CDYL: variants seen among roughly 807,000 people sequenced by gnomAD.
CDYL encodes the protein chromodomain Y like.
In CDYL, 8 loss-of-function variants were observed where a neutral mutation model predicts 47.3. The ratio of observed to expected loss-of-function variants is 0.17; its 90% confidence interval spans 0.10 to 0.31. The LOEUF (loss-of-function observed/expected upper bound fraction) is 0.31. CDYL is among the 10% of genes least tolerant of loss of function. The pLI, the probability that CDYL is intolerant of heterozygous loss-of-function variation, is 1.00. For synonymous variants in CDYL, 266 were observed against 265.0 expected, an observed-to-expected ratio of 1.00 and a Z score of -0.04; for missense variants, 471 against 701.4, an observed-to-expected ratio of 0.67 and a Z score of 3.71.
intron 2 of CDYL, among the ~76,000 whole-genome samples, chr6:4,914,404 G>A (rs996868680): frequency 6.6e-6 from 1 of 152,116 alleles, no homozygotes; most frequent in African/African-American, 2.4e-5. Flanking sequence ...GAACTGCTAC[G>A]CTGTCGTGCC....
intron 2 of CDYL, among the ~76,000 whole-genome samples, chr6:4,716,164 C>T (rs963886368): frequency 6.6e-6 from 1 of 151,214 alleles, no homozygotes; most frequent in African/African-American, 2.4e-5. Context: ...AGGAGAATGG[C>T]GTGAACCCGG....
intron 3 of CDYL, among the ~76,000 whole-genome samples, chr6:4,759,267 C>G (rs1758132703): frequency 6.6e-6 from 1 of 152,138 alleles, no homozygotes; most frequent in Non-Finnish European, 1.5e-5. Context: ...CCGCGCCCGG[C>G]CAATCACACA....
chr6:4,726,149 A>T (rs1757508859), intron 2 of CDYL, among the ~76,000 whole-genome samples: 1 of 152,154 alleles, frequency 6.6e-6, no homozygotes, highest in Admixed American at 6.5e-5. Context: ...ACGGTGGCTC[A>T]TGTCTGTAAT....
chr6:4,808,347 T>C (rs1759431081), intron 1 of CDYL, among the ~76,000 whole-genome samples: 1 of 152,228 alleles, frequency 6.6e-6, no homozygotes, highest in Non-Finnish European at 1.5e-5. Flanking sequence ...ATTTCCAGTT[T>C]AACACCATAG....
At chr6:4,753,179 G>A (rs1363414218) in intron 3 of CDYL, among the ~76,000 whole-genome samples, 1 of 152,092 alleles carries the variant, frequency 6.6e-6, no homozygotes, top group African/African-American at 2.4e-5. Flanking sequence ...CCAAAAGTGG[G>A]GGATGGAAAG....
chr6:4,864,509 A>G (rs995108311), intron 1 of CDYL, among the ~76,000 whole-genome samples: 3 of 152,132 alleles, frequency 2.0e-5, no homozygotes, highest in Middle Eastern at 3.2e-3. Flanking sequence ...AAGCATGCTG[A>G]TATGGTTTGG....
intron 1 of CDYL, among the ~76,000 whole-genome samples, chr6:4,797,628 A>G (rs887782401): frequency 1.3e-5 from 2 of 152,154 alleles, no homozygotes; most frequent in Non-Finnish European, 2.9e-5. Context: ...CCTGGCAACC[A>G]TGAATCCACT....
intron 3 of CDYL, among the ~76,000 whole-genome samples, chr6:4,750,498 G>T (rs780008741): frequency 6.6e-6 from 1 of 151,892 alleles, no homozygotes; most frequent in Non-Finnish European, 1.5e-5. Context: ...CACCATGCCC[G>T]GCCAAAAAAA....
chr6:4,725,381 G>T (rs2127412081), intron 2 of CDYL, among the ~76,000 whole-genome samples: 1 of 152,366 alleles, frequency 6.6e-6, no homozygotes, highest in African/African-American at 2.4e-5. Flanking sequence ...GGAGCAGGGG[G>T]CGGCGCTCGT....
Position 4,737,344 on chromosome 6 carries a change from G to C in CDYL, c.186+2500G>C, listed in dbSNP as rs551480646. 1.3e-3 allele frequency among the ~76,000 whole-genome samples: 129 copies of C among 95,952 alleles called. 1 individual carries two copies. Among genetic ancestry groups the C allele is most frequent in the African/African-American group, 5.1e-3 (123 of 23,954 alleles). 62.9% of individuals were successfully genotyped at this position (95,952 alleles called of 152,430 possible). On this transcript the variant is annotated intron_variant, in intron 3 of 8. Coordinates refer to the CDYL transcript ENST00000328908. ...CACAGACCAAAAATAACAAACTTAA[G>C]AAATATTTGCAACAAAAATTAAAAG...
At chr6:4,858,807 C>G (rs1433992631) in intron 1 of CDYL, among the ~76,000 whole-genome samples, 1 of 152,212 alleles carries the variant, frequency 6.6e-6, no homozygotes, top group Non-Finnish European at 1.5e-5. Flanking sequence ...GACTTAACCT[C>G]TGTGCCCCAG....
intron 1 of CDYL, among the ~76,000 whole-genome samples, chr6:4,828,570 T>C (rs1239256798): frequency 1.3e-5 from 2 of 152,216 alleles, no homozygotes; most frequent in Non-Finnish European, 2.9e-5. Flanking sequence ...TTGCTTCCAA[T>C]AGTTTGATTA....
intron 1 of CDYL, among the ~76,000 whole-genome samples, chr6:4,841,895 AT>A (rs1428759296): frequency 6.6e-6 from 1 of 150,442 alleles, no homozygotes; most frequent in Non-Finnish European, 1.5e-5. Context: ...TGTTCTATAA[AT>A]ATCTGTTAAA....
intron 1 of CDYL, among the ~76,000 whole-genome samples, chr6:4,826,122 G>T (rs1028346900): frequency 1.3e-5 from 2 of 152,210 alleles, no homozygotes; most frequent in Non-Finnish European, 2.9e-5. Flanking sequence ...ACTAGGATCA[G>T]TTGTTTGTAG....
intron 2 of CDYL, among the ~76,000 whole-genome samples, chr6:4,916,953 C>T (rs1400116844): frequency 6.6e-6 from 1 of 152,132 alleles, no homozygotes; most frequent in Admixed American, 6.5e-5. Context: ...CCCTGCCCAC[C>T]AGAGAACTTC....
intron 1 of CDYL, among the ~76,000 whole-genome samples, chr6:4,885,142 C>G (rs553396050): frequency 6.6e-6 from 1 of 152,194 alleles, no homozygotes; most frequent in East Asian, 1.9e-4. Context: ...TACAAGTGTA[C>G]TCCACCATGC....
At chr6:4,789,348 G>T (rs1172185184) in intron 1 of CDYL, among the ~76,000 whole-genome samples, 2 of 152,162 alleles carry the variant, frequency 1.3e-5, no homozygotes, top group Non-Finnish European at 2.9e-5. Flanking sequence ...TGCTGAGATT[G>T]CAGACGTGAC....
chr6:4,787,451 C>T (rs1021372672), intron 1 of CDYL, among the ~76,000 whole-genome samples: 4 of 152,162 alleles, frequency 2.6e-5, no homozygotes, highest in African/African-American at 9.7e-5. Flanking sequence ...TCAGTCCTTC[C>T]TAAGTAGCTC....
intron 1 of CDYL, among the ~76,000 whole-genome samples, chr6:4,863,637 C>T (rs1390166610): frequency 6.6e-6 from 1 of 152,144 alleles, no homozygotes; most frequent in Non-Finnish European, 1.5e-5. Flanking sequence ...TGAAGAGTTG[C>T]TCCTAGAAAG....
Sources: gnomAD v4.1 joint callset for allele counts (sites outside exome capture counted in the v4.1 genomes callset) on GRCh38, gnomAD v4.1.1 for gene constraint, MANE v1.5 for transcripts, NCBI Gene and HGNC (gene_info 2026-07-23, HGNC 2026-07-21) for gene names.